Variants in GPC6 observed in about 807,000 individuals in gnomAD.
The protein encoded by GPC6 is glypican-6.
Under a neutral mutation model 55.2 loss-of-function variants are expected in GPC6, and 14 were observed. The observed-to-expected ratio is 0.25, with a 90% confidence interval of 0.17 to 0.40. The LOEUF is 0.40. Among genes scored for constraint, GPC6 ranks in the 10% least tolerant of loss-of-function variants. The probability of loss-of-function intolerance (pLI) is 1.00; values close to 1 mark genes in which losing one functional copy is unlikely to be tolerated. For missense variants in GPC6, 641 were observed against 708.5 expected (o/e 0.90, Z 1.08); for synonymous variants, 278 against 259.6 (o/e 1.07, Z -0.68).
intron 3 of GPC6, among the ~76,000 whole-genome samples, chr13:93,837,351 A>T (rs1187990907): frequency 6.6e-6 from 1 of 152,222 alleles, no homozygotes; most frequent in South Asian, 2.1e-4. Context: ...CCATGGCTAG[A>T]AAAACTTGTT....
chr13:94,394,072 A>G (rs1566754420), intron 7 of GPC6, among the ~76,000 whole-genome samples: 1 of 152,136 alleles, frequency 6.6e-6, no homozygotes, highest in Non-Finnish European at 1.5e-5. Flanking sequence ...CCAAATTTCC[A>G]TAGGACTCTT....
rs182064851 is a variant in GPC6 at position 94,301,668 on chromosome 13, G to A, written c.1009-4312G>A. ...CCATTTGACAGACGAGCAAACTGAG[G>A]CTCAGAGAGGACCCTGTAAATGTTG... On this transcript the variant is annotated intron_variant, in intron 5 of 8. Coordinates refer to ENST00000377047, the MANE Select transcript of GPC6 (RefSeq NM_005708.5). Among the ~76,000 whole-genome samples, 8 of 152,262 alleles carry A rather than the reference G, an allele frequency of 5.3e-5. No homozygotes were observed. In the East Asian group the frequency reaches 1.5e-3, roughly 29 times the overall value.
At chr13:93,285,401 C>A (rs1009592114) in intron 1 of GPC6, among the ~76,000 whole-genome samples, 8 of 152,070 alleles carry the variant, frequency 5.3e-5, no homozygotes, top group Non-Finnish European at 1.0e-4. Flanking sequence ...TGCCATATTA[C>A]TAATATCTGG....
At chr13:93,219,135 C>T in the GPC6 span, among the ~76,000 whole-genome samples, 1 of 151,208 alleles carries the variant, frequency 6.6e-6, no homozygotes, top group Non-Finnish European at 1.5e-5. Context: ...ACTCTGTCAC[C>T]CAGGCTGGAG....
rs1370531845 is a variant in GPC6 at position 93,574,006 on chromosome 13, G to A, written c.319+28585G>A. 2.6e-5 allele frequency among the ~76,000 whole-genome samples: 4 copies of A among 152,086 alleles called. No individual in the cohort carries two copies. In the South Asian group the frequency reaches 6.2e-4, roughly 24 times the overall value. ...ATAATAACACCCGATTGCCAATAATGCTGTTTTTATGGGAGGTGTTTTTTA... is the reference window on the plus strand; with the variant it reads ...ATAATAACACCCGATTGCCAATAATACTGTTTTTATGGGAGGTGTTTTTTA... On this transcript the variant is annotated intron_variant, in intron 2 of 8. Coordinates refer to ENST00000377047, the MANE Select transcript of GPC6 (RefSeq NM_005708.5).
intron 3 of GPC6, among the ~76,000 whole-genome samples, chr13:93,994,502 G>C (rs1881450268): frequency 6.6e-6 from 1 of 152,110 alleles, no homozygotes; most frequent in Non-Finnish European, 1.5e-5. Context: ...AACCAGGTTA[G>C]GAATTATTGC....
intron 6 of GPC6, among the ~76,000 whole-genome samples, chr13:94,313,358 T>C (rs1876357839): frequency 6.6e-6 from 1 of 152,222 alleles, no homozygotes; most frequent in South Asian, 2.1e-4. Context: ...TGGATGGAAC[T>C]CCTGCCCTTA....
At chr13:93,435,159 G>A (rs1877520360) in intron 1 of GPC6, among the ~76,000 whole-genome samples, 1 of 152,074 alleles carries the variant, frequency 6.6e-6, no homozygotes, top group Admixed American at 6.6e-5. Flanking sequence ...CTTTCACCCA[G>A]GCTGGAGTGC....
intron 1 of GPC6, among the ~76,000 whole-genome samples, chr13:93,248,625 G>A (rs958997445): frequency 2.0e-5 from 3 of 152,110 alleles, no homozygotes; most frequent in Non-Finnish European, 4.4e-5. Flanking sequence ...TAAGCCATAA[G>A]CCTGAAGGTT....
chr13:94,155,318 G>C (rs1297239424), intron 4 of GPC6, among the ~76,000 whole-genome samples: 1 of 152,102 alleles, frequency 6.6e-6, no homozygotes, highest in African/African-American at 2.4e-5. Flanking sequence ...TTATCATCTG[G>C]ATTCTGCTCT....
At chr13:93,898,505 T>C (rs1876148037) in intron 3 of GPC6, among the ~76,000 whole-genome samples, 2 of 152,122 alleles carry the variant, frequency 1.3e-5, no homozygotes, top group African/African-American at 4.8e-5. Context: ...AAGCATGAAA[T>C]GGAATCTAGT....
At chr13:93,482,154 A>G (rs2139342808) in intron 1 of GPC6, among the ~76,000 whole-genome samples, 1 of 152,186 alleles carries the variant, frequency 6.6e-6, no homozygotes, top group Admixed American at 6.5e-5. Context: ...TAGGTACTTT[A>G]TTCCTAATTT....
At chr13:94,274,706 G>C (rs1892149672) in intron 4 of GPC6, among the ~76,000 whole-genome samples, 2 of 151,620 alleles carry the variant, frequency 1.3e-5, no homozygotes, top group Non-Finnish European at 2.9e-5. Flanking sequence ...GTCTTGAAAA[G>C]CAGCAGGAAC....
chr13:93,377,263 G>A (rs1009270324), intron 1 of GPC6, among the ~76,000 whole-genome samples: 2 of 152,184 alleles, frequency 1.3e-5, no homozygotes, highest in Admixed American at 6.5e-5. Context: ...GACCACATCC[G>A]TATGAAAGTC....
intron 4 of GPC6, among the ~76,000 whole-genome samples, chr13:94,241,134 A>G (rs1891042082): frequency 6.6e-6 from 1 of 152,130 alleles, no homozygotes; most frequent in South Asian, 2.1e-4. Flanking sequence ...ACTAGAGTGC[A>G]ATCTCTTGGT....
intron 3 of GPC6, among the ~76,000 whole-genome samples, chr13:93,974,518 TAA>T (rs1198992637): frequency 1.3e-5 from 2 of 152,276 alleles, no homozygotes; most frequent in Non-Finnish European, 2.9e-5. Context: ...TCTTAATAAT[TAA>T]GTTTTAAAGA....
At chr13:94,311,980 A>G (rs561581668) in intron 6 of GPC6, among the ~76,000 whole-genome samples, 23 of 152,278 alleles carry the variant, frequency 1.5e-4, no homozygotes, top group Admixed American at 1.0e-3. Flanking sequence ...ATCTCTTGGG[A>G]GCTCCAGGTT....
chr13:94,200,087 C>CA (rs1159942352), intron 4 of GPC6, among the ~76,000 whole-genome samples: 1 of 150,162 alleles, frequency 6.7e-6, no homozygotes, highest in African/African-American at 2.5e-5. Context: ...ACCCTGGAGG[C>CA]AGAGGTTACA....
intron 1 of GPC6, among the ~76,000 whole-genome samples, chr13:93,394,587 C>G (rs1875773112): frequency 6.6e-6 from 1 of 152,100 alleles, no homozygotes; most frequent in African/African-American, 2.4e-5. Context: ...AACATATTTT[C>G]AAGTTGGTGA....
Sources: gnomAD v4.1 joint callset for allele counts (sites outside exome capture counted in the v4.1 genomes callset) on GRCh38, gnomAD v4.1.1 for gene constraint, MANE v1.5 for transcripts, NCBI Gene and HGNC (gene_info 2026-07-23, HGNC 2026-07-21) for gene names.